STK32B: variants seen among roughly 807,000 people sequenced by gnomAD.
STK32B encodes serine/threonine kinase 32B, also known as serine/threonine-protein kinase 32B.
A neutral mutation model predicts 52.6 loss-of-function variants in STK32B; 43 were observed. The observed-to-expected ratio is 0.82, with a 90% CI of 0.64 to 1.05. STK32B has a LOEUF of 1.05. Ranked by LOEUF, STK32B falls within the 50% of genes least tolerant of loss-of-function variation. STK32B has a pLI of 0.00. For missense variants in STK32B, 621 were observed against 534.6 expected (o/e 1.16, Z -1.59); for synonymous variants, 238 against 204.3 (o/e 1.17, Z -1.41).
chr4:5,020,193 C>T, the STK32B span, among the ~76,000 whole-genome samples: 1 of 152,212 alleles, frequency 6.6e-6, no homozygotes, highest in African/African-American at 2.4e-5. Flanking sequence ...GTGCATCTCC[C>T]TCAGGGCTAA....
At chr4:5,424,017 G>C (rs372761681) in intron 6 of STK32B, among the ~76,000 whole-genome samples, 1 of 152,098 alleles carries the variant, frequency 6.6e-6, no homozygotes, top group South Asian at 2.1e-4. Flanking sequence ...CCCCCCGTAG[G>C]CTCAGGGGCA....
At chr4:5,189,446 A>G (rs1224239415) in intron 3 of STK32B, among the ~76,000 whole-genome samples, 1 of 152,176 alleles carries the variant, frequency 6.6e-6, no homozygotes, top group African/African-American at 2.4e-5. Flanking sequence ...ACTTAGCAAT[A>G]TGCGTTTTAG....
chr4:5,408,329 T>C (rs1274013942), intron 5 of STK32B, among the ~76,000 whole-genome samples: 5 of 152,074 alleles, frequency 3.3e-5, no homozygotes, highest in African/African-American at 9.7e-5. Context: ...ACTGAGTTCT[T>C]GTGAGCTCTG....
intron 11 of STK32B, among the ~76,000 whole-genome samples, chr4:5,483,701 T>C (rs988912918): frequency 3.3e-5 from 5 of 152,324 alleles, no homozygotes; most frequent in East Asian, 1.9e-4. Context: ...TTTAGATCTT[T>C]CCTGCTTTCT....
At chr4:5,206,686 G>A (rs984913572) in intron 3 of STK32B, among the ~76,000 whole-genome samples, 3 of 152,138 alleles carry the variant, frequency 2.0e-5, no homozygotes, top group Non-Finnish European at 4.4e-5. Flanking sequence ...AGGCCCATCT[G>A]CAAAACATTT....
At chr4:5,279,683 A>T (rs146257971) in intron 3 of STK32B, among the ~76,000 whole-genome samples, 1 of 152,322 alleles carries the variant, frequency 6.6e-6, no homozygotes, top group East Asian at 1.9e-4. Context: ...GAGGTTCTCC[A>T]TGAGGGCTCC....
At chr4:5,333,374 T>G (rs1732406288) in intron 4 of STK32B, among the ~76,000 whole-genome samples, 2 of 152,242 alleles carry the variant, frequency 1.3e-5, no homozygotes, top group African/African-American at 4.8e-5. Context: ...ATTCTGGATA[T>G]TAGCCCTTTG....
chr4:5,385,089 G>A (rs1273782020), intron 4 of STK32B, among the ~76,000 whole-genome samples: 1 of 152,142 alleles, frequency 6.6e-6, no homozygotes, highest in Non-Finnish European at 1.5e-5. Flanking sequence ...GAAGAGACGG[G>A]TGACGTGATG....
In STK32B at chr4:5,396,810, G is replaced by C. The variant is rs1736949014; in HGVS notation, c.435-1397G>C. 6.6e-6 allele frequency among the ~76,000 whole-genome samples: 1 copy of C among 151,972 alleles called. No homozygotes were observed. Among genetic ancestry groups the C allele is most frequent in the African/African-American group, 2.4e-5 (1 of 41,322 alleles). On this transcript the variant is annotated intron_variant, in intron 4 of 11. Transcript: ENST00000282908. This position sits in a 1 kb window ranked among gnomAD's most constrained non-coding sequence, Gnocchi z 4.7. ...CCCTGCTGGGAGCCACCCTGGGCAGGGACCAAGCATTTGCTGACTTCATCC... is the reference window on the plus strand; with the variant it reads ...CCCTGCTGGGAGCCACCCTGGGCAGCGACCAAGCATTTGCTGACTTCATCC...
chr4:5,415,704 T>C (rs1286063019), intron 5 of STK32B, among the ~76,000 whole-genome samples: 1 of 152,188 alleles, frequency 6.6e-6, no homozygotes, highest in Non-Finnish European at 1.5e-5. Flanking sequence ...ACTGGACAGA[T>C]AGTTGGCTGA....
chr4:5,202,801 G>T (rs918685696), intron 3 of STK32B, among the ~76,000 whole-genome samples: 1 of 152,220 alleles, frequency 6.6e-6, no homozygotes, highest in Non-Finnish European at 1.5e-5. Context: ...AATTTCAGGA[G>T]TACCCTCTGG....
chr4:5,193,605 A>G (rs1043757586), intron 3 of STK32B, among the ~76,000 whole-genome samples: 1 of 152,226 alleles, frequency 6.6e-6, no homozygotes, highest in Non-Finnish European at 1.5e-5. Context: ...GCATCCTGGA[A>G]GAGTCGGTGC....
chr4:5,189,636 G>A (rs1247783823), intron 3 of STK32B, among the ~76,000 whole-genome samples: 3 of 152,138 alleles, frequency 2.0e-5, no homozygotes, highest in Non-Finnish European at 2.9e-5. Flanking sequence ...AAGTTTTTCT[G>A]CAGACGTACA....
chr4:5,370,494 A>C (rs1735156590), intron 4 of STK32B, among the ~76,000 whole-genome samples: 1 of 152,124 alleles, frequency 6.6e-6, no homozygotes, highest in Admixed American at 6.5e-5. Context: ...TATTCAAGCA[A>C]ATGGGAGCCC....
Position 5,386,966 on chromosome 4 carries a change from C to A in STK32B, c.435-11241C>A, listed in dbSNP as rs1577428795. ...GCTCTCGAAGAGTCGCAGCATCTCA[C>A]AGGCCCAGCCACTTGGAGCCCGCTG... On this transcript the variant is annotated intron_variant, in intron 4 of 11. Coordinates refer to ENST00000282908, the MANE Select transcript of STK32B (RefSeq NM_018401.3). The surrounding 1 kb of genome is among the most constrained non-coding windows in gnomAD (Gnocchi z 4.5). Among the ~76,000 whole-genome samples the A allele has an allele frequency of 6.6e-6, 1 of 152,348 alleles. No homozygotes were observed. Among genetic ancestry groups the A allele is most frequent in the East Asian group, 1.9e-4 (1 of 5,184 alleles).
At chr4:5,355,601 C>T (rs1237035176) in intron 4 of STK32B, among the ~76,000 whole-genome samples, 1 of 152,164 alleles carries the variant, frequency 6.6e-6, no homozygotes, top group Non-Finnish European at 1.5e-5. Context: ...GTTATGGGGG[C>T]TGTCCTGTGC....
chr4:5,465,985 C>T (rs1717397972), intron 9 of STK32B, among the ~76,000 whole-genome samples: 1 of 152,214 alleles, frequency 6.6e-6, no homozygotes, highest in Non-Finnish European at 1.5e-5. Flanking sequence ...ATGAAACTTA[C>T]AAGATCAGGA....
chr4:5,019,402 G>GC, the STK32B span: 355 of 1,491,930 alleles, frequency 2.4e-4, 1 homozygote, highest in Non-Finnish European at 3.0e-4. Context: ...GGGGGCTCCC[G>GC]CCAGGAGCAG....
intron 11 of STK32B, among the ~76,000 whole-genome samples, chr4:5,495,986 A>C (rs926574915): frequency 6.6e-6 from 1 of 151,164 alleles, no homozygotes; most frequent in East Asian, 1.9e-4. Context: ...GTCTGCCCCT[A>C]CTGGGGGGTG....
Sources: gnomAD v4.1 joint callset for allele counts (sites outside exome capture counted in the v4.1 genomes callset) on GRCh38, gnomAD v4.1.1 for gene constraint, Gnocchi (gnomAD v3.1) non-coding constraint, MANE v1.5 for transcripts, NCBI Gene and HGNC (gene_info 2026-07-23, HGNC 2026-07-21) for gene names.